Variants in ASCC3 observed in about 807,000 individuals in gnomAD.
ASCC3 encodes the protein ASC-1 complex subunit P200.
ASCC3 carries 158 observed loss-of-function variants against 256.3 expected under a neutral mutation model. The observed-to-expected ratio is 0.62, with a 90% CI of 0.54 to 0.70. The LOEUF (loss-of-function observed/expected upper bound fraction) is 0.70, where lower values mean the gene tolerates loss of function less well. ASCC3 is among the 30% of genes least tolerant of loss of function. The probability of loss-of-function intolerance (pLI) is 0.00; values close to 1 mark genes in which losing one functional copy is unlikely to be tolerated. For missense variants in ASCC3, 2,259 were observed against 2,626.0 expected (o/e 0.86, Z 3.05); for synonymous variants, 948 against 883.4 (o/e 1.07, Z -1.30).
intron 13 of ASCC3, among the ~76,000 whole-genome samples, chr6:100,704,291 T>C (rs1012442010): frequency 2.0e-5 from 3 of 152,002 alleles, no homozygotes; most frequent in African/African-American, 7.2e-5. Context: ...AGCTTTTATA[T>C]TCCTTTGGAA....
At chr6:100,685,198 C>T (rs1373557968) in intron 13 of ASCC3, among the ~76,000 whole-genome samples, 3 of 152,038 alleles carry the variant, frequency 2.0e-5, no homozygotes, top group African/African-American at 7.2e-5. Flanking sequence ...GATAGATGTC[C>T]CACAGAAAAA....
chr6:100,536,955 G>A (rs76590256), intron 37 of ASCC3, among the ~76,000 whole-genome samples: 1 of 152,110 alleles, frequency 6.6e-6, no homozygotes, highest in Non-Finnish European at 1.5e-5. Context: ...TGGGGGAGAA[G>A]GGAAGTTCTT....
intron 37 of ASCC3, among the ~76,000 whole-genome samples, chr6:100,533,185 T>C (rs1241556688): frequency 6.6e-5 from 10 of 152,152 alleles, no homozygotes; most frequent in Admixed American, 6.5e-4. Context: ...GTGCCTTGGA[T>C]TTTATATATT....
chr6:100,879,932 C>A (rs144073190), intron 1 of ASCC3, among the ~76,000 whole-genome samples: 5 of 152,172 alleles, frequency 3.3e-5, no homozygotes, highest in Non-Finnish European at 5.9e-5. Flanking sequence ...TGAGAAAGAA[C>A]CCTAGTCAAG....
intron 20 of ASCC3, among the ~76,000 whole-genome samples, chr6:100,649,429 T>C (rs1216144194): frequency 6.6e-6 from 1 of 151,676 alleles, no homozygotes; most frequent in Non-Finnish European, 1.5e-5. Context: ...AGAAAATTAT[T>C]CCTATAGAAG....
At chr6:100,675,637 T>C (rs544970635) in intron 14 of ASCC3, among the ~76,000 whole-genome samples, 1 of 152,334 alleles carries the variant, frequency 6.6e-6, no homozygotes, top group South Asian at 2.1e-4. Context: ...GTATTACTAT[T>C]GGATTCTTCC....
At chr6:100,625,399 G>C (rs1774177242) in intron 29 of ASCC3, 65 bp from the exon 30 acceptor site, 1 of 1,546,272 alleles carries the variant, frequency 6.5e-7, no homozygotes, top group East Asian at 2.3e-5. Flanking sequence ...ATTTCATTAG[G>C]ATATCAAATG....
chr6:100,648,902 T>C (rs1284060860), intron 20 of ASCC3, among the ~76,000 whole-genome samples: 1 of 151,860 alleles, frequency 6.6e-6, no homozygotes, highest in African/African-American at 2.4e-5. Flanking sequence ...GTCTATAACA[T>C]GTACAGTCTA....
intron 4 of ASCC3, among the ~76,000 whole-genome samples, chr6:100,816,386 G>A (rs940471099): frequency 6.6e-6 from 1 of 151,896 alleles, no homozygotes; most frequent in African/African-American, 2.4e-5. Context: ...ACTACCACTC[G>A]ACCCAGCAAT....
At chr6:100,582,812 G>C (rs909342379) in intron 36 of ASCC3, among the ~76,000 whole-genome samples, 1 of 152,104 alleles carries the variant, frequency 6.6e-6, no homozygotes, top group African/African-American at 2.4e-5. Context: ...GTTGAATTTT[G>C]TCAAAGGCCT....
chr6:100,548,644 A>G (rs927280597), intron 36 of ASCC3, among the ~76,000 whole-genome samples: 71 of 151,964 alleles, frequency 4.7e-4, no homozygotes, highest in African/African-American at 1.7e-3. Flanking sequence ...GAAGAGATAC[A>G]TGGAAACATG....
intron 10 of ASCC3, among the ~76,000 whole-genome samples, chr6:100,736,171 T>G (rs1367146246): frequency 6.6e-6 from 1 of 152,194 alleles, no homozygotes; most frequent in East Asian, 1.9e-4. Context: ...TCTTGTCTAA[T>G]GAGGAAAACA....
intron 36 of ASCC3, among the ~76,000 whole-genome samples, chr6:100,575,285 T>G (rs1327377937): frequency 6.6e-6 from 1 of 152,142 alleles, no homozygotes; most frequent in Non-Finnish European, 1.5e-5. Context: ...AGTTTTAAAT[T>G]TCTCCCTTAT....
chr6:100,676,752 ACACACACACT>A (rs757459462), intron 14 of ASCC3, among the ~76,000 whole-genome samples: 10 of 110,738 alleles, frequency 9.0e-5, no homozygotes, highest in Non-Finnish European at 1.1e-4. Flanking sequence ...GCGTGCGCGC[ACACACACACT>A]CACACACACA....
At chr6:100,625,471 T>A (rs1185079530) in intron 29 of ASCC3, 137 bp from the exon 30 acceptor site, 1 of 991,774 alleles carries the variant, frequency 1.0e-6, no homozygotes, top group Non-Finnish European at 1.6e-6. Flanking sequence ...TTGCAGGTAC[T>A]ACATGGATCT....
chr6:100,776,487 A>G (rs182520907), intron 8 of ASCC3, among the ~76,000 whole-genome samples: 235 of 152,176 alleles, frequency 1.5e-3, no homozygotes, highest in Non-Finnish European at 2.5e-3. Flanking sequence ...TCTTACATAC[A>G]TACGCCAGAC....
chr6:100,664,171 T>C (rs868310979), intron 14 of ASCC3, among the ~76,000 whole-genome samples: 10 of 152,088 alleles, frequency 6.6e-5, no homozygotes, highest in African/African-American at 2.2e-4. Context: ...ACATCATGTG[T>C]TTATTTGCTA....
At chr6:100,685,865 T>C (rs1270654047) in intron 13 of ASCC3, among the ~76,000 whole-genome samples, 1 of 152,246 alleles carries the variant, frequency 6.6e-6, no homozygotes, top group Non-Finnish European at 1.5e-5. Flanking sequence ...AGTTAGACAC[T>C]ACAAGTCACT....
chr6:100,705,602 T>C (rs908268235), intron 13 of ASCC3, among the ~76,000 whole-genome samples: 2 of 151,970 alleles, frequency 1.3e-5, no homozygotes, highest in Admixed American at 1.3e-4. Flanking sequence ...ACTGAACAAC[T>C]TGAAGGCAAG....
Sources: gnomAD v4.1 joint callset for allele counts (sites outside exome capture counted in the v4.1 genomes callset) on GRCh38, gnomAD v4.1.1 for gene constraint, MANE v1.5 for transcripts, NCBI Gene and HGNC (gene_info 2026-07-23, HGNC 2026-07-21) for gene names.